Variants in GNB4 observed in about 807,000 individuals in gnomAD.
The protein encoded by GNB4 is guanine nucleotide-binding protein subunit beta-4.
Under a neutral mutation model 45.2 loss-of-function variants are expected in GNB4, and 28 were observed. The ratio of observed to expected loss-of-function variants is 0.62; its 90% CI spans 0.46 to 0.85. The LOEUF (loss-of-function observed/expected upper bound fraction) is 0.85. Ranked by LOEUF, GNB4 falls within the 40% of genes least tolerant of loss-of-function variation. GNB4 has a pLI of 0.00. For missense variants in GNB4, 321 were observed against 425.4 expected, an observed-to-expected ratio of 0.75 and a Z score of 2.16; for synonymous variants, 132 against 143.7, an observed-to-expected ratio of 0.92 and a Z score of 0.58.
At chr3:179,468,035 A>AAAAAATATATATAT in the GNB4 span, among the ~76,000 whole-genome samples, 3 of 89,856 alleles carry the variant, frequency 3.3e-5, no homozygotes, top group East Asian at 1.0e-3. Flanking sequence ...TGTTGATAAA[A>AAAAAATATATATAT]ATATATATAT....
chr3:179,406,275 T>C (rs1714468086), intron 8 of GNB4, among the ~76,000 whole-genome samples: 1 of 152,194 alleles, frequency 6.6e-6, no homozygotes, highest in Non-Finnish European at 1.5e-5. Context: ...TATAGTTCAG[T>C]TTATTCTGTA....
chr3:179,523,365 G>A, the GNB4 span, among the ~76,000 whole-genome samples: 1 of 152,140 alleles, frequency 6.6e-6, no homozygotes, highest in Non-Finnish European at 1.5e-5. Context: ...AGAGAGGCTG[G>A]GATGAAGGGT....
rs1318528118 is a variant in GNB4, at chr3:179,420,920, C to T, written c.65G>A (p.Arg22Gln). 7 of 1,582,152 alleles carry T rather than the reference C, an allele frequency of 4.4e-6. No individual in the cohort carries two copies. Among genetic ancestry groups the T allele is most frequent in the Middle Eastern group, 1.7e-4 (1 of 5,990 alleles). ...AAGCGTTGCATCATTACATGCTTTC[C>T]GAGCATCCTGAAGTAAAAAAATATG... ...EQLRNQIQDARKACNDATLVQ... is the reference protein window; with the variant it reads ...EQLRNQIQDAQKACNDATLVQ... Residue 22 changes from arginine (R) to glutamine (Q), a missense_variant, in exon 3 of 10, where the codon CGG (arginine) becomes CAG (glutamine). By Grantham distance (43) the Arg-to-Gln change is conservative. Coordinates refer to ENST00000232564, the MANE Select transcript of GNB4 (RefSeq NM_021629.4).
chr3:179,499,436 G>C, the GNB4 span, among the ~76,000 whole-genome samples: 1 of 152,150 alleles, frequency 6.6e-6, no homozygotes, highest in Non-Finnish European at 1.5e-5. Context: ...CGGGATTACA[G>C]GCTTGAGCCA....
chr3:179,422,159 T>C (rs1010350078), intron 2 of GNB4, among the ~76,000 whole-genome samples: 1 of 152,130 alleles, frequency 6.6e-6, no homozygotes, highest in African/African-American at 2.4e-5. Flanking sequence ...AATTTAAAAA[T>C]TGCAAATGGA....
intron 9 of GNB4, among the ~76,000 whole-genome samples, 178 bp from the exon 10 acceptor site, chr3:179,401,497 G>A (rs1433853486): frequency 1.3e-5 from 2 of 152,200 alleles, no homozygotes; most frequent in Admixed American, 6.5e-5. Context: ...AAGAAGACAA[G>A]TTAGGAGTAA....
At chr3:179,518,278 A>G in the GNB4 span, among the ~76,000 whole-genome samples, 1 of 152,164 alleles carries the variant, frequency 6.6e-6, no homozygotes, top group Non-Finnish European at 1.5e-5. Flanking sequence ...TTTCCATGCT[A>G]CAAGATCTAA....
At chr3:179,443,077 C>A (rs1356348886) in intron 1 of GNB4, among the ~76,000 whole-genome samples, 1 of 152,158 alleles carries the variant, frequency 6.6e-6, no homozygotes, top group Non-Finnish European at 1.5e-5. Context: ...AATATGACAA[C>A]TGGGGATATC....
chr3:179,445,430 G>A (rs532392156), intron 1 of GNB4, among the ~76,000 whole-genome samples: 10 of 152,060 alleles, frequency 6.6e-5, no homozygotes, highest in Non-Finnish European at 1.2e-4. Flanking sequence ...AACTACAGGC[G>A]TACACCACCA....
the GNB4 span, among the ~76,000 whole-genome samples, chr3:179,512,896 C>T: frequency 6.6e-6 from 1 of 151,970 alleles, no homozygotes; most frequent in Non-Finnish European, 1.5e-5. Context: ...TAGATTTTAC[C>T]TTCTTTTTTT....
the GNB4 span, among the ~76,000 whole-genome samples, chr3:179,523,220 CGA>C: frequency 6.6e-6 from 1 of 151,980 alleles, no homozygotes; most frequent in Non-Finnish European, 1.5e-5. Context: ...AGAATTATAC[CGA>C]GATAGGTAAG....
chr3:179,511,218 T>A, the GNB4 span, among the ~76,000 whole-genome samples: 6 of 152,192 alleles, frequency 3.9e-5, no homozygotes, highest in Admixed American at 3.3e-4. Context: ...ACTCATCCTT[T>A]GCCACACGGC....
rs1714133189 is a variant in GNB4, at chr3:179,396,795, T to TTTCTTCTAC, written c.*4417_*4418insGTAGAAGAA. ...AAGTGCTAGCTTAGATATTCTACTA[T>TTTCTTCTAC]AAACCATTTCATTGAGTACCTATTA... On this transcript the variant is annotated 3_prime_UTR_variant, in exon 10 of 10. Transcript: ENST00000232564. 6.6e-6 allele frequency: 1 copy of TTTCTTCTAC among 152,222 alleles called. No homozygotes were observed. The highest frequency in any genetic ancestry group is 1.5e-5 in the Non-Finnish European group (1 of 68,028). 9.4% of individuals were successfully genotyped at this position (152,222 alleles called of 1,614,324 possible).
the GNB4 span, among the ~76,000 whole-genome samples, chr3:179,474,686 C>T: frequency 6.7e-6 from 1 of 148,190 alleles, no homozygotes; most frequent in Non-Finnish European, 1.5e-5. Flanking sequence ...ATGTTGCCCA[C>T]AGCTGTCTTA....
the GNB4 span, among the ~76,000 whole-genome samples, chr3:179,498,659 T>A: frequency 2.6e-5 from 4 of 151,812 alleles, no homozygotes; most frequent in Non-Finnish European, 5.9e-5. Context: ...GGTCTGGAAC[T>A]CCTGAGCTCA....
rs774543632 is a variant in GNB4, at chr3:179,398,905, T to A, written c.*2308A>T. ...GCTTTAAACTCCTCTTCATAAACTTTAAGAACATTAAAATAAATGTAATTT... is the reference window on the plus strand; with the variant it reads ...GCTTTAAACTCCTCTTCATAAACTTAAAGAACATTAAAATAAATGTAATTT... On this transcript the variant is annotated 3_prime_UTR_variant, in exon 10 of 10. Coordinates refer to ENST00000232564, the MANE Select transcript of GNB4 (RefSeq NM_021629.4). The A allele has an allele frequency of 6.6e-6, 1 of 152,202 alleles. No homozygotes were observed. The highest frequency in any genetic ancestry group is 1.5e-5 in the Non-Finnish European group (1 of 68,042). The allele number at this position is 152,202 out of a possible 1,614,324, so 9.4% of individuals were successfully genotyped here. A position where few individuals can be genotyped will look rare whatever the true frequency, so the allele number is the denominator to read the frequency against.
intron 1 of GNB4, among the ~76,000 whole-genome samples, chr3:179,446,882 C>T (rs980888847): frequency 6.6e-5 from 10 of 152,148 alleles, no homozygotes; most frequent in Non-Finnish European, 1.5e-4. Flanking sequence ...GCATTCATTC[C>T]TTCATTCAAC....
upstream of GNB4, among the ~76,000 whole-genome samples, chr3:179,454,366 C>G (rs896212932): frequency 2.0e-5 from 3 of 152,200 alleles, no homozygotes; most frequent in African/African-American, 7.2e-5. Context: ...AGTGAATGCA[C>G]TTGGCTGCTT....
In GNB4 at chr3:179,419,571, A is replaced by T. The variant is rs567196667; in HGVS notation, c.97-66T>A. On this transcript the variant is annotated intron_variant, in intron 3 of 9. Coordinates refer to ENST00000232564, the MANE Select transcript of GNB4 (RefSeq NM_021629.4). ...TAGTTCATGAGATAACTTGAACTAG[A>T]AACAGTGAGGAGTTAAAAAAGCAAA... 6 of 969,978 alleles carry T rather than the reference A, an allele frequency of 6.2e-6. No individual in the cohort carries two copies. The East Asian group carries it at 1.4e-4, about 23-fold the overall frequency. The allele number at this position is 969,978 out of a possible 1,614,324, so 60.1% of individuals were successfully genotyped here.
Sources: gnomAD v4.1 joint callset for allele counts (sites outside exome capture counted in the v4.1 genomes callset) on GRCh38, gnomAD v4.1.1 for gene constraint, MANE v1.5 for transcripts, NCBI Gene and HGNC (gene_info 2026-07-23, HGNC 2026-07-21) for gene names.